Variants in TENM1 observed in about 807,000 individuals in gnomAD.
TENM1 encodes teneurin transmembrane protein 1, also known as teneurin-1.
TENM1 carries 35 observed loss-of-function variants against 174.8 expected under a neutral mutation model. That is an observed-to-expected ratio of 0.20 (90% CI 0.15 to 0.27). The LOEUF is 0.27. Ranked by LOEUF, TENM1 falls within the 10% of genes least tolerant of loss-of-function variation. The pLI, the probability that TENM1 is intolerant of heterozygous loss-of-function variation, is 1.00. For missense variants in TENM1, 1,633 were observed against 2,130.1 expected (o/e 0.77, Z 4.59); for synonymous variants, 781 against 798.7 (o/e 0.98, Z 0.37).
chrX:124,748,086 T>C (rs1225607615), intron 3 of TENM1, among the ~76,000 whole-genome samples: 1 of 111,507 alleles, frequency 9.0e-6, no homozygotes, highest in East Asian at 2.8e-4. Context: ...CTCTGTTTTA[T>C]GCTCCTGGTC....
chrX:124,414,755 G>A, intron 25 of TENM1, among the ~76,000 whole-genome samples: 1 of 111,753 alleles, frequency 8.9e-6, no homozygotes, highest in Non-Finnish European at 1.9e-5. Context: ...ATTATCCACT[G>A]TTCAGGGTCA....
exon 24 of TENM1, chrX:124,422,524 C>A (rs376255162): frequency 8.3e-7 from 1 of 1,210,917 alleles, no homozygotes; most frequent in South Asian, 1.8e-5. Flanking sequence ...GGGCGTCCTG[C>A]GATGATCCGA....
the TENM1 span, among the ~76,000 whole-genome samples, chrX:125,104,007 A>T: frequency 8.9e-6 from 1 of 111,980 alleles, no homozygotes; most frequent in Non-Finnish European, 1.9e-5. Flanking sequence ...AAAATAAAAG[A>T]CTTAACTACA....
chrX:124,523,606 C>T (rs1338725445), exon 17 of TENM1: 2 of 1,210,915 alleles, frequency 1.7e-6, no homozygotes, highest in Admixed American at 2.2e-5. Context: ...GAGATGCCAC[C>T]GATGGCCACG....
At chrX:125,003,423 C>A in the TENM1 span, among the ~76,000 whole-genome samples, 1 of 111,452 alleles carries the variant, frequency 9.0e-6, no homozygotes, top group Non-Finnish European at 1.9e-5. Flanking sequence ...CAATTTCCAC[C>A]GGTATAGAAA....
chrX:124,764,179 G>A (rs750179747), intron 3 of TENM1, among the ~76,000 whole-genome samples: 1 of 112,039 alleles, frequency 8.9e-6, no homozygotes, highest in Admixed American at 9.5e-5. Flanking sequence ...GGAGAGGAGA[G>A]CATGACTAGG....
the TENM1 span, among the ~76,000 whole-genome samples, chrX:125,046,858 G>C: frequency 2.0e-5 from 1 of 50,810 alleles, no homozygotes; most frequent in African/African-American, 1.2e-4. Flanking sequence ...GTGTGCATGC[G>C]TGTGTGTGTG....
intron 11 of TENM1, among the ~76,000 whole-genome samples, chrX:124,583,256 C>T (rs1363605318): frequency 1.8e-5 from 2 of 111,590 alleles, no homozygotes; most frequent in African/African-American, 3.3e-5. Flanking sequence ...GACCCCTGAC[C>T]CCCGAGCAGC....
chrX:125,025,106 T>A, the TENM1 span, among the ~76,000 whole-genome samples: 1 of 111,854 alleles, frequency 8.9e-6, no homozygotes, highest in Non-Finnish European at 1.9e-5. Context: ...TTGGGAATAA[T>A]CACCTCTGAA....
At chrX:124,895,336 A>G in intron 2 of TENM1, among the ~76,000 whole-genome samples, 1 of 112,272 alleles carries the variant, frequency 8.9e-6, no homozygotes, top group African/African-American at 3.2e-5. Flanking sequence ...AAAAGAACAG[A>G]AATAAAATAA....
At chrX:124,777,361 T>C (rs748233335) in intron 3 of TENM1, among the ~76,000 whole-genome samples, 12 of 111,430 alleles carry the variant, frequency 1.1e-4, no homozygotes, top group African/African-American at 3.9e-4. Context: ...CAGGAAGGAA[T>C]GAGTCCCTTC....
chrX:124,942,481 G>A (rs2058343486), intron 1 of TENM1, among the ~76,000 whole-genome samples: 1 of 111,578 alleles, frequency 9.0e-6, no homozygotes, highest in South Asian at 3.7e-4. Context: ...GTTCCAAAAT[G>A]TACCTTTGAA....
the TENM1 span, among the ~76,000 whole-genome samples, chrX:125,153,607 G>C: frequency 8.9e-6 from 1 of 112,035 alleles, no homozygotes; most frequent in Non-Finnish European, 1.9e-5. Flanking sequence ...TATACCAACT[G>C]CATAAAACTG....
At chrX:124,403,511 C>T (rs1336054671) in intron 27 of TENM1, among the ~76,000 whole-genome samples, 3 of 87,899 alleles carry the variant, frequency 3.4e-5, no homozygotes, top group Admixed American at 2.8e-4. Flanking sequence ...CAGAGCAAGA[C>T]TCTTGTCTCA....
chrX:124,477,978 T>G (rs887217395), intron 22 of TENM1, among the ~76,000 whole-genome samples: 3 of 106,752 alleles, frequency 2.8e-5, no homozygotes, highest in African/African-American at 1.2e-4. Context: ...CTAATACTAT[T>G]TACATCATGC....
the TENM1 span, among the ~76,000 whole-genome samples, chrX:125,182,815 G>A: frequency 2.7e-5 from 3 of 111,481 alleles, no homozygotes; most frequent in African/African-American, 9.8e-5. Flanking sequence ...TTCTGGAAAA[G>A]AACATTTGTA....
chrX:125,195,283 T>C, the TENM1 span, among the ~76,000 whole-genome samples: 2 of 111,995 alleles, frequency 1.8e-5, no homozygotes, highest in East Asian at 2.8e-4. Context: ...CTTTCAATAG[T>C]AAAGCAGTTC....
At chrX:125,015,583 G>C in the TENM1 span, among the ~76,000 whole-genome samples, 1 of 111,455 alleles carries the variant, frequency 9.0e-6, no homozygotes, top group Admixed American at 9.5e-5. Context: ...AACCTTAAAA[G>C]GATAATGTAC....
chrX:125,096,145 G>T, the TENM1 span, among the ~76,000 whole-genome samples: 1 of 111,830 alleles, frequency 8.9e-6, no homozygotes, highest in Non-Finnish European at 1.9e-5. Flanking sequence ...TCAGACTGCT[G>T]AAGAATGTAC....
Sources: allele counts gnomAD v4.1 joint callset (sites outside exome capture counted in the v4.1 genomes callset), GRCh38; gene constraint gnomAD v4.1.1; transcripts MANE v1.5; gene names NCBI Gene and HGNC (gene_info 2026-07-23, HGNC 2026-07-21).